Variants in NOS2 observed in about 807,000 individuals in gnomAD.
The protein encoded by NOS2 is nitric oxide synthase 2, also known as nitric oxide synthase, inducible.
Under a neutral mutation model 136.0 loss-of-function variants are expected in NOS2, and 96 were observed. The observed-to-expected ratio is 0.71, with a 90% confidence interval of 0.60 to 0.84. The LOEUF is 0.84. Ranked by LOEUF, NOS2 falls within the 40% of genes least tolerant of loss-of-function variation. The pLI, the probability that NOS2 is intolerant of heterozygous loss-of-function variation, is 0.00. For missense variants in NOS2, 1,237 were observed against 1,496.9 expected, an observed-to-expected ratio of 0.83 and a Z score of 2.87; for synonymous variants, 539 against 587.5, an observed-to-expected ratio of 0.92 and a Z score of 1.20.
rs200311892 is a variant in NOS2, at chr17:27,798,750, C to A, written c.60G>T (p.Gly20=). The change falls in exon 2 of 27, where the codon GGG becomes GGT. Residue 20 remains glycine, a synonymous_variant. Coordinates refer to ENST00000313735, the MANE Select transcript of NOS2 (RefSeq NM_000625.4). ...KTKFHQYAMN[G]EKDINNNVEK... is the part of the protein sequence containing the mutation. ...CCACATTGTTGTTGATGTCTTTTTC[C>A]CCATTCATTGCATACTGGTGGAATT... The A allele has an allele frequency of 1.9e-6, 3 of 1,614,054 alleles. No individual in the cohort carries two copies. The highest frequency in any genetic ancestry group is 2.5e-6 in the Non-Finnish European group (3 of 1,179,938).
chr17:27,782,920 C>T lies in NOS2; in HGVS notation c.630+24G>A, dbSNP rs200206379. On this transcript the variant is annotated intron_variant, in intron 6 of 26. Coordinates refer to ENST00000313735, the MANE Select transcript of NOS2 (RefSeq NM_000625.4). ...GGGCCTGGCCGCCTCCAGCTCTCTC[C>T]CGCTCAAGTCTAAGGAAGTTCACCT... 6.9e-5 allele frequency: 112 copies of T among 1,612,168 alleles called. No individual in the cohort carries two copies. The African/African-American group carries it at 1.4e-3, about 20-fold the overall frequency.
At chr17:27,789,180 A>G (rs915021296) in intron 3 of NOS2, among the ~76,000 whole-genome samples, 3 of 152,194 alleles carry the variant, frequency 2.0e-5, no homozygotes, top group Non-Finnish European at 2.9e-5. Flanking sequence ...GAACTGCTGT[A>G]GGAGGGACTA....
At chr17:27,771,709 G>A (rs891073896) in intron 14 of NOS2, among the ~76,000 whole-genome samples, 2 of 152,180 alleles carry the variant, frequency 1.3e-5, no homozygotes. Flanking sequence ...TAACAGTCAG[G>A]TTCCTCCTCT....
chr17:27,799,417 G>A (rs1194914693), intron 1 of NOS2, among the ~76,000 whole-genome samples: 1 of 152,196 alleles, frequency 6.6e-6, no homozygotes, highest in Non-Finnish European at 1.5e-5. Flanking sequence ...CTTTTATTAT[G>A]TGGGGAGGAA....
At chr17:27,767,377 A>G (rs1224091036) in intron 18 of NOS2, among the ~76,000 whole-genome samples, 1 of 151,988 alleles carries the variant, frequency 6.6e-6, no homozygotes, top group Admixed American at 6.5e-5. Context: ...TTGAACTGCA[A>G]TTTCTCCATC....
At chr17:27,778,163 G>T (rs1908718512) in intron 11 of NOS2, among the ~76,000 whole-genome samples, 1 of 152,138 alleles carries the variant, frequency 6.6e-6, no homozygotes. Context: ...TTGGCAGTGG[G>T]GTGAGGGCGT....
chr17:27,785,439 C>T (rs1253798137), intron 5 of NOS2, among the ~76,000 whole-genome samples: 1 of 152,272 alleles, frequency 6.6e-6, no homozygotes, highest in South Asian at 2.1e-4. Context: ...CCAGGCTGTG[C>T]ATTAGAATCA....
At chr17:27,789,823 G>C (rs1379266879) in intron 2 of NOS2, 135 bp from the exon 3 acceptor site, 1 of 616,632 alleles carries the variant, frequency 1.6e-6, no homozygotes, top group African/African-American at 1.8e-5. Flanking sequence ...GTTCATGGTC[G>C]GTCTGACCAA....
In NOS2 at chr17:27,778,809, T is replaced by C; in HGVS notation, c.1180-18A>G. 6.2e-7 allele frequency: 1 copy of C among 1,613,840 alleles called. No individual in the cohort carries two copies. The highest frequency in any genetic ancestry group is 8.5e-7 in the Non-Finnish European group (1 of 1,179,736). ...CCCACTTCCTACAGAGGCAGAGTGA[T>C]AGCGGCGAGTCGGTCCCTGAAGCCA... On this transcript the variant is annotated intron_variant, in intron 10 of 26. Coordinates refer to ENST00000313735, the MANE Select transcript of NOS2 (RefSeq NM_000625.4).
chr17:27,789,031 G>T, intron 3 of NOS2, 100 bp from the exon 4 acceptor site: 1 of 1,454,110 alleles, frequency 6.9e-7, no homozygotes. Flanking sequence ...GCCACACAGG[G>T]CAGGGTGTCC....
chr17:27,789,605 T>C lies in NOS2; in HGVS notation c.194A>G (p.Lys65Arg), dbSNP rs1283532541. Reference protein sequence around the residue: ...ESPQPLVETGKKSPESLVKLD... With the variant: ...ESPQPLVETGRKSPESLVKLD... Reference sequence around the variant, plus strand: ...CCCACACCCATGTGACTCACTGACCTTTCCCGTCTCCACGAGGGGCTGCGG... The same window carrying C: ...CCCACACCCATGTGACTCACTGACCCTTCCCGTCTCCACGAGGGGCTGCGG... The change falls in exon 3 of 27, where the codon AAG (lysine) becomes AGG (arginine). Residue 65 changes from lysine (K) to arginine (R), a missense_variant and splice_region_variant. Transcript: ENST00000313735. 1.2e-6 allele frequency: 2 copies of C among 1,612,462 alleles called. No individual in the cohort carries two copies. Among genetic ancestry groups the C allele is most frequent in the Non-Finnish European group, 1.7e-6 (2 of 1,178,632 alleles).
intron 1 of NOS2, 145 bp from the exon 2 acceptor site, chr17:27,799,027 G>A (rs1184365311): frequency 1.0e-5 from 6 of 584,684 alleles, no homozygotes; most frequent in African/African-American, 3.7e-5. Flanking sequence ...TCTCTATTTC[G>A]GGGTTGGAAT....
At position 27,782,093 on chromosome 17, in the gene NOS2, C is replaced by T. The variant is rs199832362; in HGVS notation, c.644G>A (p.Arg215His). 76 of 1,613,858 alleles carry T rather than the reference C, an allele frequency of 4.7e-5. No individual in the cohort carries two copies. The highest frequency in any genetic ancestry group is 5.9e-5 in the Non-Finnish European group (70 of 1,179,998). ...CATTTCCCGGGCAGTGGAACAGCTG[C>T]GGGCATCGAAGACCTGCAACAGCCC... is the stretch of plus-strand genomic sequence containing the variant. ...QWSNLQVFDA[R>H]SCSTAREMFE... Residue 215 changes from arginine (R) to histidine (H), a missense_variant, in exon 7 of 27, where the codon CGC (arginine) becomes CAC (histidine). By Grantham distance (29) the Arg-to-His change is conservative. This residue lies in a region of NOS2 where 440 missense variants were observed against 545.4 expected (regional missense o/e 0.81). Coordinates refer to ENST00000313735, the MANE Select transcript of NOS2 (RefSeq NM_000625.4).
intron 22 of NOS2, among the ~76,000 whole-genome samples, chr17:27,762,366 A>G (rs952343704): frequency 2.3e-4 from 35 of 152,220 alleles, no homozygotes; most frequent in African/African-American, 8.4e-4. Flanking sequence ...CCCTGCGTTC[A>G]GGCTGCATGA....
Position 27,766,538 on chromosome 17 carries a change from G to C in NOS2, c.2218C>G (p.Arg740Gly), listed in dbSNP as rs773949014. Reference sequence around the variant, plus strand: ...GATGTCGGACTTTGTAGATTCTGCCGAGATTTGAGCCTCATGGTGAACACG... The same window carrying C: ...GATGTCGGACTTTGTAGATTCTGCCCAGATTTGAGCCTCATGGTGAACACG... ...KNVFTMRLKS[R>G]QNLQSPTSSR... The change falls in exon 19 of 27, where the codon CGG becomes GGG. Residue 740 changes from arginine to glycine, a missense_variant. Transcript: ENST00000313735. 2 of 1,614,012 alleles carry C rather than the reference G, an allele frequency of 1.2e-6. No homozygotes were observed. Among genetic ancestry groups the C allele is most frequent in the Non-Finnish European group, 8.5e-7 (1 of 1,179,996 alleles).
intron 2 of NOS2, among the ~76,000 whole-genome samples, chr17:27,791,801 AC>A: frequency 6.6e-6 from 1 of 151,528 alleles, no homozygotes; most frequent in Non-Finnish European, 1.5e-5. Context: ...ACAAAACAAA[AC>A]AAAAATATAT....
intron 2 of NOS2, among the ~76,000 whole-genome samples, chr17:27,797,243 C>T (rs1376994603): frequency 1.3e-5 from 2 of 152,228 alleles, no homozygotes; most frequent in Non-Finnish European, 2.9e-5. Flanking sequence ...CTAGAGGGAA[C>T]TCTGTTCAAT....
At chr17:27,766,258 A>G (rs775842995) in intron 19 of NOS2, among the ~76,000 whole-genome samples, 4 of 152,202 alleles carry the variant, frequency 2.6e-5, no homozygotes, top group African/African-American at 4.8e-5. Flanking sequence ...AAAGAGTTCA[A>G]TGAGGAAGGA....
intron 2 of NOS2, chr17:27,793,806 G>A: frequency 2.7e-6 from 1 of 374,330 alleles, no homozygotes. Context: ...CCGAGCAGCG[G>A]CGGGGGCTCT....
Sources: gnomAD v4.1 joint callset for allele counts (sites outside exome capture counted in the v4.1 genomes callset) on GRCh38, gnomAD v4.1.1 for gene constraint, gnomAD v4.1.1 regional missense constraint, MANE v1.5 for transcripts, NCBI Gene and HGNC (gene_info 2026-07-23, HGNC 2026-07-21) for gene names.